ADGRL3: variants seen among roughly 807,000 people sequenced by gnomAD.
The protein encoded by ADGRL3 is adhesion G protein-coupled receptor L3.
A neutral mutation model predicts 153.5 loss-of-function variants in ADGRL3; 62 were observed. That is an observed-to-expected ratio of 0.40 (90% CI 0.33 to 0.50). The LOEUF (loss-of-function observed/expected upper bound fraction) is 0.50, where lower values mean the gene tolerates loss of function less well. Among genes scored for constraint, ADGRL3 ranks in the 20% least tolerant of loss-of-function variants. The pLI is 0.47. For synonymous variants in ADGRL3, 710 were observed against 672.5 expected, an observed-to-expected ratio of 1.06 and a Z score of -0.86; for missense variants, 1,641 against 1,859.4, an observed-to-expected ratio of 0.88 and a Z score of 2.16.
intron 1 of ADGRL3, among the ~76,000 whole-genome samples, chr4:61,361,639 G>C (rs1243235119): frequency 1.3e-5 from 2 of 152,120 alleles, no homozygotes; most frequent in African/African-American, 4.8e-5. Flanking sequence ...AAAAGGCTAA[G>C]AGCAGTTTGT....
chr4:62,001,311 C>T (rs1192155712), intron 21 of ADGRL3, among the ~76,000 whole-genome samples: 1 of 152,056 alleles, frequency 6.6e-6, no homozygotes, highest in Non-Finnish European at 1.5e-5. Context: ...GGATCCGTTT[C>T]CACTGAGACT....
At chr4:61,869,544 G>A (rs577887663) in intron 9 of ADGRL3, among the ~76,000 whole-genome samples, 2 of 152,064 alleles carry the variant, frequency 1.3e-5, no homozygotes, top group South Asian at 4.2e-4. Flanking sequence ...CTTGCAGTGA[G>A]CCGAGATTGC....
At chr4:61,479,433 G>A (rs185941661) in intron 2 of ADGRL3, among the ~76,000 whole-genome samples, 1 of 152,172 alleles carries the variant, frequency 6.6e-6, no homozygotes, top group East Asian at 1.9e-4. Context: ...ATAGAGTTGG[G>A]ATGTAAAGCC....
intron 4 of ADGRL3, among the ~76,000 whole-genome samples, chr4:61,578,807 C>T (rs2098908320): frequency 6.6e-6 from 1 of 152,058 alleles, no homozygotes; most frequent in South Asian, 2.1e-4. Context: ...CTCTGAAATT[C>T]TTACTTTTTA....
intron 2 of ADGRL3, among the ~76,000 whole-genome samples, chr4:61,405,242 G>A (rs1024323490): frequency 2.0e-5 from 3 of 151,982 alleles, no homozygotes; most frequent in African/African-American, 7.2e-5. Flanking sequence ...AGCGATTCCA[G>A]TAGGAAAGGA....
At chr4:61,810,290 T>C (rs1162469448) in intron 8 of ADGRL3, among the ~76,000 whole-genome samples, 1 of 152,148 alleles carries the variant, frequency 6.6e-6, no homozygotes, top group Non-Finnish European at 1.5e-5. Context: ...CTGTAAAGCA[T>C]CTGCTTTCTA....
At chr4:61,259,227 T>A (rs1228976095) in intron 1 of ADGRL3, among the ~76,000 whole-genome samples, 1 of 151,926 alleles carries the variant, frequency 6.6e-6, no homozygotes, top group Non-Finnish European at 1.5e-5. Flanking sequence ...ATCGAGACCA[T>A]CCTGGCTAAC....
chr4:61,801,130 A>C (rs189556527), intron 8 of ADGRL3, among the ~76,000 whole-genome samples: 5 of 152,272 alleles, frequency 3.3e-5, no homozygotes, highest in Admixed American at 3.3e-4. Flanking sequence ...TGAAAACGTC[A>C]TGGCTCTTCT....
intron 2 of ADGRL3, among the ~76,000 whole-genome samples, chr4:61,443,878 T>C (rs977262316): frequency 6.6e-6 from 1 of 152,212 alleles, no homozygotes; most frequent in Admixed American, 6.5e-5. Context: ...ACTAATTCAG[T>C]AACACTGGAT....
chr4:61,888,805 T>G (rs2149558042), intron 9 of ADGRL3, among the ~76,000 whole-genome samples: 1 of 152,276 alleles, frequency 6.6e-6, no homozygotes, highest in Non-Finnish European at 1.5e-5. Context: ...TTTTTAAAAA[T>G]ACCGTATCAT....
At chr4:61,458,766 G>A (rs1365806192) in intron 2 of ADGRL3, among the ~76,000 whole-genome samples, 1 of 151,320 alleles carries the variant, frequency 6.6e-6, no homozygotes. Flanking sequence ...TAGGTTATTA[G>A]ATATTTATTT....
chr4:61,837,979 C>G (rs1171313944), intron 9 of ADGRL3, among the ~76,000 whole-genome samples: 1 of 151,990 alleles, frequency 6.6e-6, no homozygotes, highest in Non-Finnish European at 1.5e-5. Flanking sequence ...GTGCTTCATA[C>G]AGTTGAGGAG....
chr4:61,513,730 A>G (rs572558104), intron 3 of ADGRL3, among the ~76,000 whole-genome samples: 6 of 152,298 alleles, frequency 3.9e-5, no homozygotes, highest in Middle Eastern at 6.8e-3. Flanking sequence ...TTAAAAACAA[A>G]TAAAAATAGA....
chr4:61,678,910 A>G (rs1478530246), intron 6 of ADGRL3, among the ~76,000 whole-genome samples: 1 of 152,130 alleles, frequency 6.6e-6, no homozygotes, highest in Non-Finnish European at 1.5e-5. Flanking sequence ...AAAAGAAAGT[A>G]TAAATCATAA....
rs370909106 is a variant in ADGRL3 at position 61,528,054 on chromosome 4, T to C, written c.259+10536T>C. Among the ~76,000 whole-genome samples the C allele has an allele frequency of 3.3e-5, 5 of 152,220 alleles. No homozygotes were observed. In the East Asian group the frequency reaches 5.8e-4, roughly 18 times the overall value. ...CAGTGTAATTTAGTGATTAAGAAGA[T>C]AGATGCTTGGTCCACAATGCCGGCT... On this transcript the variant is annotated intron_variant, in intron 4 of 26. Transcript: ENST00000683033.
chr4:61,866,021 CA>C (rs775410290), intron 9 of ADGRL3, among the ~76,000 whole-genome samples: 2 of 152,180 alleles, frequency 1.3e-5, no homozygotes, highest in Non-Finnish European at 2.9e-5. Context: ...TGACCATTTA[CA>C]TTTCCTTTTT....
intron 2 of ADGRL3, among the ~76,000 whole-genome samples, chr4:61,479,193 C>T (rs1560703086): frequency 6.6e-6 from 1 of 151,908 alleles, no homozygotes; most frequent in Non-Finnish European, 1.5e-5. Flanking sequence ...TTTTTGACAC[C>T]AAGCTTCCAA....
At chr4:62,008,955 A>G (rs183169724) in intron 21 of ADGRL3, among the ~76,000 whole-genome samples, 176 of 152,210 alleles carry the variant, frequency 1.2e-3, no homozygotes, top group Admixed American at 2.2e-3. Flanking sequence ...ACAGTTTCCT[A>G]CAGTATTCAG....
At chr4:61,291,855 T>G (rs925636740) in intron 1 of ADGRL3, among the ~76,000 whole-genome samples, 1 of 146,262 alleles carries the variant, frequency 6.8e-6, no homozygotes, top group Non-Finnish European at 1.5e-5. Context: ...GGGAGAATAT[T>G]TTGTTTCTGT....
Sources: allele counts gnomAD v4.1 joint callset (sites outside exome capture counted in the v4.1 genomes callset), GRCh38; gene constraint gnomAD v4.1.1; transcripts MANE v1.5; gene names NCBI Gene and HGNC (gene_info 2026-07-23, HGNC 2026-07-21).